Variants in ZFHX3 observed in about 807,000 individuals in gnomAD.
ZFHX3 encodes zinc finger homeobox protein 3.
In ZFHX3, 42 loss-of-function variants were observed where a neutral mutation model predicts 279.1. That is an observed-to-expected ratio of 0.15 (90% CI 0.12 to 0.19). The LOEUF is 0.19. ZFHX3 is among the 10% of genes least tolerant of loss of function. The probability of loss-of-function intolerance (pLI) is 1.00; values close to 1 mark genes in which losing one functional copy is unlikely to be tolerated. For synonymous variants in ZFHX3, 2,293 were observed against 1,957.8 expected, an observed-to-expected ratio of 1.17 and a Z score of -4.52; for missense variants, 4,981 against 4,754.0, an observed-to-expected ratio of 1.05 and a Z score of -1.40.
intron 5 of ZFHX3, among the ~76,000 whole-genome samples, chr16:73,196,562 G>A (rs1345072202): frequency 1.3e-5 from 2 of 151,854 alleles, no homozygotes; most frequent in Non-Finnish European, 2.9e-5. Flanking sequence ...ACACTCAACA[G>A]TAGTGTCCAT....
intron 7 of ZFHX3, among the ~76,000 whole-genome samples, chr16:73,107,128 C>T (rs1053899498): frequency 2.6e-5 from 4 of 152,006 alleles, no homozygotes; most frequent in Non-Finnish European, 4.4e-5. Flanking sequence ...ACCAACATGG[C>T]GAAATGCTGT....
At chr16:73,835,260 C>G (rs1961107391) in intron 1 of ZFHX3, among the ~76,000 whole-genome samples, 2 of 152,056 alleles carry the variant, frequency 1.3e-5, no homozygotes, top group Admixed American at 1.3e-4. Flanking sequence ...AGGATGGAAA[C>G]TGAAAGAATC....
chr16:73,128,989 G>GT (rs1966623656), intron 7 of ZFHX3, among the ~76,000 whole-genome samples: 1 of 152,130 alleles, frequency 6.6e-6, no homozygotes, highest in African/African-American at 2.4e-5. Flanking sequence ...CACTGAGCAA[G>GT]TGCCTACTTA....
At chr16:72,850,437 CAT>C (rs1430183040) in intron 4 of ZFHX3, among the ~76,000 whole-genome samples, 8 of 152,194 alleles carry the variant, frequency 5.3e-5, no homozygotes, top group African/African-American at 7.2e-5. Flanking sequence ...TTGAAATACA[CAT>C]AGTCAATCAT....
In ZFHX3 at chr16:73,308,275, A is replaced by ATATTTATT. The variant is rs1437076517; in HGVS notation, c.-1194+9957_-1194+9964dup. 8.9e-5 allele frequency among the ~76,000 whole-genome samples: 6 copies of ATATTTATT among 67,712 alleles called. No homozygotes were observed. The East Asian group carries it at 1.8e-3, about 21-fold the overall frequency. 44.4% of individuals were successfully genotyped at this position (67,712 alleles called of 152,430 possible). ...TATATATATATATATATATATATATATATTTATTTATTTATTTTTGAGACA... is the reference window on the plus strand; with the variant it reads ...TATATATATATATATATATATATATATATTTATTTATTTATTTATTTATTTTTGAGACA... On this transcript the variant is annotated intron_variant, in intron 4 of 17. Coordinates refer to the ZFHX3 transcript ENST00000641206.
At chr16:73,773,514 C>G (rs1402628460) in intron 1 of ZFHX3, among the ~76,000 whole-genome samples, 1 of 152,186 alleles carries the variant, frequency 6.6e-6, no homozygotes, top group South Asian at 2.1e-4. Context: ...ATCTGTCCAC[C>G]TGAGGCTTCC....
chr16:73,454,095 C>T (rs2018329587), intron 3 of ZFHX3, among the ~76,000 whole-genome samples: 1 of 152,162 alleles, frequency 6.6e-6, no homozygotes, highest in Non-Finnish European at 1.5e-5. Flanking sequence ...GGCATTCCCA[C>T]TGCATCCTAC....
chr16:73,413,908 A>G (rs1359862683), intron 3 of ZFHX3, among the ~76,000 whole-genome samples: 2 of 152,270 alleles, frequency 1.3e-5, no homozygotes, highest in Admixed American at 6.5e-5. Context: ...TTGGATTATT[A>G]GAATGAAGGA....
At chr16:73,649,367 T>G (rs900824810) in intron 2 of ZFHX3, among the ~76,000 whole-genome samples, 1 of 152,204 alleles carries the variant, frequency 6.6e-6, no homozygotes, top group African/African-American at 2.4e-5. Flanking sequence ...CATTAAGGCA[T>G]GTGATACAGT....
chr16:72,927,817 A>G (rs1959540021), intron 3 of ZFHX3, among the ~76,000 whole-genome samples: 1 of 152,036 alleles, frequency 6.6e-6, no homozygotes, highest in Non-Finnish European at 1.5e-5. Context: ...TGAGTGGCTC[A>G]TGTATTTACA....
chr16:72,876,953 G>A (rs192007629), intron 4 of ZFHX3, among the ~76,000 whole-genome samples: 42 of 152,266 alleles, frequency 2.8e-4, no homozygotes, highest in Middle Eastern at 3.4e-3. Context: ...AGAAAGGGGG[G>A]TGATTCCAAA....
intron 1 of ZFHX3, among the ~76,000 whole-genome samples, chr16:73,721,462 A>C (rs1363036245): frequency 6.6e-6 from 1 of 152,118 alleles, no homozygotes; most frequent in Non-Finnish European, 1.5e-5. Flanking sequence ...GCCCTGTGTC[A>C]GCTCTTGATT....
At chr16:72,937,813 T>C (rs1446812604) in intron 3 of ZFHX3, among the ~76,000 whole-genome samples, 1 of 152,262 alleles carries the variant, frequency 6.6e-6, no homozygotes, top group African/African-American at 2.4e-5. Flanking sequence ...TTTGGTTTGT[T>C]TGTCCTATGC....
intron 1 of ZFHX3, among the ~76,000 whole-genome samples, chr16:73,007,464 T>A (rs1257689588): frequency 6.6e-6 from 1 of 152,252 alleles, no homozygotes; most frequent in East Asian, 1.9e-4. Flanking sequence ...TTTGTTTTTT[T>A]GAGACGGAGT....
intron 4 of ZFHX3, among the ~76,000 whole-genome samples, chr16:72,885,026 A>C (rs2144046196): frequency 6.6e-6 from 1 of 152,314 alleles, no homozygotes; most frequent in Admixed American, 6.5e-5. Context: ...TGGAAGAGGA[A>C]CCTCACCTGG....
chr16:73,145,152 G>A (rs1171060035), intron 5 of ZFHX3, among the ~76,000 whole-genome samples: 1 of 152,128 alleles, frequency 6.6e-6, no homozygotes, highest in African/African-American at 2.4e-5. Flanking sequence ...GCCATCTTAG[G>A]TTCAACTCGG....
chr16:73,486,234 T>C (rs1004144173), intron 2 of ZFHX3, among the ~76,000 whole-genome samples: 1 of 152,328 alleles, frequency 6.6e-6, no homozygotes, highest in African/African-American at 2.4e-5. Context: ...ACGGAGTAAA[T>C]GACTTTGTAA....
chr16:73,428,148 G>T (rs560660410), intron 3 of ZFHX3, among the ~76,000 whole-genome samples: 2 of 152,274 alleles, frequency 1.3e-5, no homozygotes, highest in South Asian at 4.1e-4. Flanking sequence ...GTGAGCTGAG[G>T]TTTGAGAACC....
intron 3 of ZFHX3, chr16:73,400,018 C>T (rs2017217760): frequency 6.6e-6 from 1 of 151,780 alleles, no homozygotes; most frequent in African/African-American, 2.4e-5. Flanking sequence ...ACGAGCTATC[C>T]TGAGCGAGGC....
Sources: gnomAD v4.1 joint callset for allele counts (sites outside exome capture counted in the v4.1 genomes callset) on GRCh38, gnomAD v4.1.1 for gene constraint, MANE v1.5 for transcripts, NCBI Gene and HGNC (gene_info 2026-07-23, HGNC 2026-07-21) for gene names.